Variants in SAP130 observed in about 807,000 individuals in gnomAD.
SAP130 encodes histone deacetylase complex subunit SAP130.
SAP130 carries 16 observed loss-of-function variants against 103.2 expected under a neutral mutation model. That is an observed-to-expected ratio of 0.16 (90% CI 0.10 to 0.24). The LOEUF is 0.24. Ranked by LOEUF, SAP130 falls within the 10% of genes least tolerant of loss-of-function variation. The pLI is 1.00. For missense variants in SAP130, 990 were observed against 1,359.7 expected, an observed-to-expected ratio of 0.73 and a Z score of 4.28; for synonymous variants, 477 against 497.0, an observed-to-expected ratio of 0.96 and a Z score of 0.53.
chr2:128,009,354 C>T (rs1684219298), intron 7 of SAP130, among the ~76,000 whole-genome samples: 1 of 152,084 alleles, frequency 6.6e-6, no homozygotes, highest in African/African-American at 2.4e-5. Context: ...ATCTGGAGTT[C>T]CAGCTACTTG....
chr2:128,014,385 ATCC>A (rs1437469114), intron 5 of SAP130, among the ~76,000 whole-genome samples: 1 of 148,876 alleles, frequency 6.7e-6, no homozygotes, highest in Non-Finnish European at 1.5e-5. Context: ...CCTGAGTGCC[ATCC>A]TCCTATCTCA....
intron 15 of SAP130, among the ~76,000 whole-genome samples, chr2:127,962,522 T>A (rs980091689): frequency 6.6e-6 from 1 of 152,172 alleles, no homozygotes; most frequent in Non-Finnish European, 1.5e-5. Flanking sequence ...ATGTGGCACA[T>A]ATACACCATG....
intron 3 of SAP130, 51 bp from the exon 4 acceptor site, chr2:128,016,598 G>T: frequency 1.3e-6 from 2 of 1,551,052 alleles, no homozygotes; most frequent in East Asian, 2.3e-5. Flanking sequence ...TACTGGTGAT[G>T]CATTTCAATC....
chr2:127,975,355 T>C (rs1191034763), intron 15 of SAP130, among the ~76,000 whole-genome samples: 4 of 152,280 alleles, frequency 2.6e-5, no homozygotes, highest in Non-Finnish European at 4.4e-5. Context: ...AAATTGTATG[T>C]GATTTGAAGA....
intron 7 of SAP130, among the ~76,000 whole-genome samples, chr2:128,006,744 T>C (rs1046795572): frequency 6.6e-6 from 1 of 152,242 alleles, no homozygotes; most frequent in Non-Finnish European, 1.5e-5. Context: ...CAAGCCACTG[T>C]TCTCCAACCT....
At chr2:127,983,831 T>C in intron 14 of SAP130, among the ~76,000 whole-genome samples, 1 of 123,386 alleles carries the variant, frequency 8.1e-6, no homozygotes, top group South Asian at 3.4e-4. Flanking sequence ...TTGTTTTTTT[T>C]TTTTTTTTTT....
At chr2:127,993,400 A>G in intron 11 of SAP130, 92 bp from the exon 12 acceptor site, 1 of 1,354,438 alleles carries the variant, frequency 7.4e-7, no homozygotes, top group Non-Finnish European at 9.9e-7. Flanking sequence ...TGTGTCCTTC[A>G]GAACTGTCAA....
In SAP130 at chr2:127,989,400, C is replaced by G. The variant is rs1490081581; in HGVS notation, c.1780+164G>C. Among the ~76,000 whole-genome samples, 4 of 152,090 alleles carry G rather than the reference C, an allele frequency of 2.6e-5. No individual in the cohort carries two copies. Among genetic ancestry groups the G allele is most frequent in the African/African-American group, 9.7e-5 (4 of 41,402 alleles). ...TGAGGTATATTATTTCTAACGTTTA[C>G]AGTGACCCTGAAACTCTAAGTTCTA... On this transcript the variant is annotated intron_variant, in intron 13 of 20. Coordinates refer to ENST00000643581, the MANE Select transcript of SAP130 (RefSeq NM_001330301.2). This position sits in a 1 kb window ranked among gnomAD's most constrained non-coding sequence, Gnocchi z 4.6.
chr2:127,980,183 G>C (rs1681763891), intron 14 of SAP130, among the ~76,000 whole-genome samples: 1 of 151,946 alleles, frequency 6.6e-6, no homozygotes, highest in African/African-American at 2.4e-5. Context: ...CTGGCCACAG[G>C]ATTTTCTTAT....
At chr2:128,021,446 C>CAAAA (rs774054953) in intron 2 of SAP130, among the ~76,000 whole-genome samples, 1 of 71,620 alleles carries the variant, frequency 1.4e-5, no homozygotes, top group Non-Finnish European at 2.7e-5. Context: ...GACTCCATCT[C>CAAAA]AAAAAAAAAA....
chr2:127,951,440 G>A (rs1269585130), intron 16 of SAP130, among the ~76,000 whole-genome samples: 1 of 151,990 alleles, frequency 6.6e-6, no homozygotes, highest in Non-Finnish European at 1.5e-5. Flanking sequence ...TGAATTTCTA[G>A]CATCCAACTC....
rs377732909 is a variant in SAP130, at chr2:128,017,766, C to T, written c.262G>A (p.Ala88Thr). 28 of 1,614,052 alleles carry T rather than the reference C, an allele frequency of 1.7e-5. No individual in the cohort carries two copies. The South Asian group carries it at 2.0e-4, about 11-fold the overall frequency. ...GTCACTGCAACAGGTGTGGCTGATG[C>T]GACAGCATGGTGTGTCGACAACATC... ...VQMLSTHHAV[A>T]SATPVAVTAP... The change falls in exon 3 of 21, where the codon GCA (alanine) becomes ACA (threonine). Residue 88 changes from alanine (A) to threonine (T), a missense_variant. Ala to Thr is a moderately conservative substitution (Grantham distance 58). Transcript: ENST00000643581.
rs1427268329 is a variant in SAP130, at chr2:128,009,921, ATTC to A, written c.869+345_869+347del. Among the ~76,000 whole-genome samples, 4 of 152,292 alleles carry A rather than the reference ATTC, an allele frequency of 2.6e-5. No individual in the cohort carries two copies. In the East Asian group the frequency reaches 7.7e-4, roughly 29 times the overall value. ...ATCTTTTCATTTTCTACTGAAATGT[ATTC>A]TTATCAACAAAGCCCTCTCCGACCA... On this transcript the variant is annotated intron_variant, in intron 7 of 20. Coordinates refer to ENST00000643581, the MANE Select transcript of SAP130 (RefSeq NM_001330301.2).
At chr2:128,025,606 C>G (rs1168798190) in intron 2 of SAP130, among the ~76,000 whole-genome samples, 1 of 152,142 alleles carries the variant, frequency 6.6e-6, no homozygotes, top group Non-Finnish European at 1.5e-5. Flanking sequence ...TACAGTATAA[C>G]AACTATTTAC....
At chr2:128,022,779 G>A (rs76581684) in intron 2 of SAP130, among the ~76,000 whole-genome samples, 1,595 of 150,844 alleles carry the variant, frequency 0.011, 33 homozygotes, top group African/African-American at 0.036. Flanking sequence ...ATATTTTCCC[G>A]TCTTAAAAAA....
At chr2:127,943,178 AAG>A (rs1678827028) in intron 19 of SAP130, among the ~76,000 whole-genome samples, 1 of 152,218 alleles carries the variant, frequency 6.6e-6, no homozygotes, top group Admixed American at 6.5e-5. Flanking sequence ...GCTAAGTCAG[AAG>A]TAGCCAAGGC....
intron 1 of SAP130, chr2:128,027,163 TCTCGGCGGCGGCGATGTG>T: frequency 7.7e-7 from 1 of 1,292,848 alleles, no homozygotes; most frequent in Non-Finnish European, 9.9e-7. Flanking sequence ...GGAGGGCCCA[TCTCGGCGGCGGCGATGTG>T]CTCGGCGGGC....
chr2:127,949,530 T>A (rs1679347860), intron 18 of SAP130, among the ~76,000 whole-genome samples: 1 of 152,206 alleles, frequency 6.6e-6, no homozygotes, highest in African/African-American at 2.4e-5. Context: ...TGTTACACAG[T>A]AACCCAGTAC....
In SAP130 at chr2:127,955,440, T is replaced by C; in HGVS notation, c.2064-96A>G. 1 of 777,086 alleles carries C rather than the reference T, an allele frequency of 1.3e-6. No homozygotes were observed. Among genetic ancestry groups the C allele is most frequent in the Non-Finnish European group, 2.1e-6 (1 of 482,360 alleles). The allele number at this position is 777,086 out of a possible 1,614,324, so 48.1% of individuals were successfully genotyped here. ...ATGAGTATTTGTCCAATTATTTCTGTCCAGCACACTGCACAATTTATACTC... is the reference window on the plus strand; with the variant it reads ...ATGAGTATTTGTCCAATTATTTCTGCCCAGCACACTGCACAATTTATACTC... On this transcript the variant is annotated intron_variant, in intron 15 of 20. Coordinates refer to ENST00000643581, the MANE Select transcript of SAP130 (RefSeq NM_001330301.2). This position sits in a 1 kb window ranked among gnomAD's most constrained non-coding sequence, Gnocchi z 4.9.
Sources: gnomAD v4.1 joint callset for allele counts (sites outside exome capture counted in the v4.1 genomes callset) on GRCh38, gnomAD v4.1.1 for gene constraint, Gnocchi (gnomAD v3.1) non-coding constraint, MANE v1.5 for transcripts, NCBI Gene and HGNC (gene_info 2026-07-23, HGNC 2026-07-21) for gene names.